The following CLNK variants were observed in gnomAD, a reference collection of about 807,000 sequenced individuals.
The protein encoded by CLNK is cytokine dependent hematopoietic cell linker, also known as cytokine-dependent hematopoietic cell linker.
In CLNK, 74 loss-of-function variants were observed where a neutral mutation model predicts 68.6. That is an observed-to-expected ratio of 1.08 (90% confidence interval 0.89 to 1.31). The LOEUF is 1.31. Among genes scored for constraint, CLNK ranks in the 50% most tolerant of loss-of-function variants. The pLI is 0.00. For missense variants in CLNK, 553 were observed against 515.3 expected (o/e 1.07, Z -0.71); for synonymous variants, 198 against 172.2 (o/e 1.15, Z -1.17).
chr4:10,658,914 G>A (rs952058338), intron 2 of CLNK, among the ~76,000 whole-genome samples: 1 of 152,146 alleles, frequency 6.6e-6, no homozygotes, highest in East Asian at 1.9e-4. Context: ...GTATTAGATT[G>A]GTGTAAATGT....
At chr4:10,636,023 A>G (rs1229005488) in intron 2 of CLNK, 1 of 152,194 alleles carries the variant, frequency 6.6e-6, no homozygotes, top group African/African-American at 2.4e-5. Context: ...TATACTCAAA[A>G]TAGACGATCT....
chr4:10,549,934 G>A (rs1219364061), intron 8 of CLNK, among the ~76,000 whole-genome samples: 2 of 152,192 alleles, frequency 1.3e-5, no homozygotes, highest in Non-Finnish European at 2.9e-5. Flanking sequence ...ACTGCTTTTG[G>A]GTAGGTAATG....
chr4:10,622,623 C>A (rs771465157), intron 2 of CLNK, among the ~76,000 whole-genome samples: 5 of 152,172 alleles, frequency 3.3e-5, no homozygotes, highest in Non-Finnish European at 5.9e-5. Flanking sequence ...TAAAACTTGT[C>A]ATGGTTTGGT....
chr4:10,723,379 G>A, the CLNK span, among the ~76,000 whole-genome samples: 18 of 152,220 alleles, frequency 1.2e-4, no homozygotes, highest in East Asian at 3.3e-3. Context: ...GGGATCAAAT[G>A]GATAAAGACT....
chr4:10,572,232 A>G (rs767849051), intron 4 of CLNK, among the ~76,000 whole-genome samples: 6 of 152,258 alleles, frequency 3.9e-5, no homozygotes, highest in Non-Finnish European at 8.8e-5. Flanking sequence ...TGAATAGACT[A>G]TAAGTATTTT....
rs575682355 is a variant in CLNK at position 10,492,896 on chromosome 4, G to T, written c.1141-2283C>A. ...CCTGAGCTCATTTGAATTGGGGTTT[G>T]TCTTTTCACACCCAAAGAGTCCTGG... On this transcript the variant is annotated intron_variant, in intron 18 of 18. Transcript: ENST00000226951. Among the ~76,000 whole-genome samples, 8 of 152,308 alleles carry T rather than the reference G, an allele frequency of 5.3e-5. No homozygotes were observed. In the South Asian group the frequency reaches 1.5e-3, roughly 28 times the overall value.
intron 2 of CLNK, among the ~76,000 whole-genome samples, chr4:10,657,744 A>T (rs1333877053): frequency 6.6e-6 from 1 of 152,210 alleles, no homozygotes; most frequent in Non-Finnish European, 1.5e-5. Flanking sequence ...CAGACGGCCA[A>T]CACAGGATTT....
chr4:10,620,290 G>A (rs1558199), intron 2 of CLNK, among the ~76,000 whole-genome samples: 1 of 151,940 alleles, frequency 6.6e-6, no homozygotes, highest in Non-Finnish European at 1.5e-5. Context: ...ATTTTACTAG[G>A]AGGCTGTTGC....
At chr4:10,572,108 C>G (rs1389559137) in intron 4 of CLNK, among the ~76,000 whole-genome samples, 1 of 152,164 alleles carries the variant, frequency 6.6e-6, no homozygotes, top group Non-Finnish European at 1.5e-5. Flanking sequence ...GCAATTGCTC[C>G]CGAAGTCTTG....
At chr4:10,733,682 A>G in the CLNK span, among the ~76,000 whole-genome samples, 1 of 152,256 alleles carries the variant, frequency 6.6e-6, no homozygotes, top group Non-Finnish European at 1.5e-5. Flanking sequence ...GCCATATGCC[A>G]GGCACCATGC....
intron 8 of CLNK, among the ~76,000 whole-genome samples, chr4:10,549,660 A>C (rs1719369636): frequency 2.0e-5 from 3 of 152,252 alleles, no homozygotes; most frequent in Admixed American, 1.3e-4. Flanking sequence ...GCACAGCTGC[A>C]GTTACTACTA....
chr4:10,664,608 G>A (rs1156585785), intron 2 of CLNK, among the ~76,000 whole-genome samples: 1 of 152,200 alleles, frequency 6.6e-6, no homozygotes, highest in East Asian at 1.9e-4. Flanking sequence ...GCTTTAATGT[G>A]TCCAAGAATC....
chr4:10,700,296 C>T, the CLNK span, among the ~76,000 whole-genome samples: 3 of 152,210 alleles, frequency 2.0e-5, no homozygotes, highest in East Asian at 5.8e-4. Context: ...GATTATTTTA[C>T]AAGAAACTGA....
intron 15 of CLNK, among the ~76,000 whole-genome samples, chr4:10,513,835 T>A (rs1717713661): frequency 1.3e-5 from 2 of 148,208 alleles, no homozygotes. Flanking sequence ...TTTTTTAAAT[T>A]ATTATTATTA....
At chr4:10,722,785 C>T in the CLNK span, among the ~76,000 whole-genome samples, 2 of 152,308 alleles carry the variant, frequency 1.3e-5, no homozygotes, top group South Asian at 4.1e-4. Flanking sequence ...CGTGGTGGCT[C>T]ACGCCTGTTA....
chr4:10,526,892 C>A (rs1438023412), intron 13 of CLNK, among the ~76,000 whole-genome samples: 1 of 152,132 alleles, frequency 6.6e-6, no homozygotes, highest in Admixed American at 6.5e-5. Context: ...GATATAAAAT[C>A]TCATAAAACA....
chr4:10,535,130 C>A (rs1312534268), intron 11 of CLNK, among the ~76,000 whole-genome samples: 1 of 151,138 alleles, frequency 6.6e-6, no homozygotes, highest in Non-Finnish European at 1.5e-5. Context: ...GGGCGGACTG[C>A]CTGAGGCCAG....
At chr4:10,565,535 G>A (rs533103070) in intron 6 of CLNK, among the ~76,000 whole-genome samples, 7 of 152,288 alleles carry the variant, frequency 4.6e-5, no homozygotes, top group East Asian at 1.9e-4. Context: ...CCCTGCTGAC[G>A]CTCTTAGGCT....
At chr4:10,683,575 T>G (rs566626174) in intron 1 of CLNK, among the ~76,000 whole-genome samples, 1 of 152,284 alleles carries the variant, frequency 6.6e-6, no homozygotes, top group Non-Finnish European at 1.5e-5. Flanking sequence ...CTTAGAGAAC[T>G]CAAGTTCTTC....
Sources: gnomAD v4.1 joint callset for allele counts (sites outside exome capture counted in the v4.1 genomes callset) on GRCh38, gnomAD v4.1.1 for gene constraint, MANE v1.5 for transcripts, NCBI Gene and HGNC (gene_info 2026-07-23, HGNC 2026-07-21) for gene names.